The following CNOT2 variants were observed in gnomAD, a reference collection of about 807,000 sequenced individuals.
CNOT2 encodes CCR4-NOT transcription complex subunit 2.
In CNOT2, 7 loss-of-function variants were observed where a neutral mutation model predicts 72.1. The ratio of observed to expected loss-of-function variants is 0.10; its 90% confidence interval spans 0.06 to 0.18. The LOEUF (loss-of-function observed/expected upper bound fraction) is 0.18, where lower values mean the gene tolerates loss of function less well. Ranked by LOEUF, CNOT2 falls within the 10% of genes least tolerant of loss-of-function variation. CNOT2 has a pLI of 1.00. For synonymous variants in CNOT2, 196 were observed against 225.6 expected (o/e 0.87, Z 1.17); for missense variants, 345 against 660.3 (o/e 0.52, Z 5.23).
At chr12:70,262,702 C>G (rs1219299020) in intron 1 of CNOT2, among the ~76,000 whole-genome samples, 1 of 152,030 alleles carries the variant, frequency 6.6e-6, no homozygotes, top group Non-Finnish European at 1.5e-5. Context: ...GCGATGGAGT[C>G]TTTCTCTGTT....
At chr12:70,314,433 G>A (rs1300757446) in intron 3 of CNOT2, among the ~76,000 whole-genome samples, 1 of 151,974 alleles carries the variant, frequency 6.6e-6, no homozygotes, top group Admixed American at 6.6e-5. Context: ...GTTTGTGAGG[G>A]GGGCACTGAA....
At position 70,314,539 on chromosome 12, in the gene CNOT2, CTT is replaced by C. The variant is rs201696483; in HGVS notation, c.171+3524_171+3525del. Among the ~76,000 whole-genome samples the C allele has an allele frequency of 5.5e-3, 830 of 152,180 alleles. 8 individuals carry two copies. Among genetic ancestry groups the C allele is most frequent in the African/African-American group, 0.018 (765 of 41,520 alleles). ...AACATTCCTTGAGTCAGTCATATGT[CTT>C]TCCGTAAATTTGTACTTCAGCTGTA... On this transcript the variant is annotated intron_variant, in intron 3 of 15. Coordinates refer to ENST00000229195, the MANE Select transcript of CNOT2 (RefSeq NM_014515.7).
chr12:70,328,965 G>A lies in CNOT2; in HGVS notation c.239-458G>A, dbSNP rs1328997951. Among the ~76,000 whole-genome samples the A allele has an allele frequency of 2.0e-5, 3 of 151,750 alleles. No individual in the cohort carries two copies. In the South Asian group the frequency reaches 6.2e-4, roughly 31 times the overall value. ...CTTTTTCTAAAATATAATTTTAAAG[G>A]ATCACATAAAATTAAAGCTACTTCA... On this transcript the variant is annotated intron_variant, in intron 4 of 15. Transcript: ENST00000229195.
chr12:70,295,280 TG>T (rs1211779596), intron 2 of CNOT2, among the ~76,000 whole-genome samples: 1 of 152,186 alleles, frequency 6.6e-6, no homozygotes, highest in Non-Finnish European at 1.5e-5. Flanking sequence ...TAAAAGAGAT[TG>T]GGGTTCTAGT....
At chr12:70,320,399 T>C (rs1356325968) in intron 4 of CNOT2, among the ~76,000 whole-genome samples, 1 of 151,754 alleles carries the variant, frequency 6.6e-6, no homozygotes, top group African/African-American at 2.4e-5. Context: ...ATGGTTTCCA[T>C]TTACTTTTTT....
At position 70,318,253 on chromosome 12, in the gene CNOT2, C is replaced by T. The variant is rs545291831; in HGVS notation, c.172-1045C>T. Among the ~76,000 whole-genome samples the T allele has an allele frequency of 1.5e-3, 223 of 151,942 alleles. 1 individual carries two copies. Among genetic ancestry groups the T allele is most frequent in the African/African-American group, 5.0e-3 (209 of 41,512 alleles). On this transcript the variant is annotated intron_variant, in intron 3 of 15. Coordinates refer to ENST00000229195, the MANE Select transcript of CNOT2 (RefSeq NM_014515.7). ...AGCCATTCTTGTATGACATTTATTT[C>T]GCATTCTTCTATGCCATAACATGGG... is the stretch of plus-strand genomic sequence containing the variant.
chr12:70,303,601 G>C (rs1328169347), intron 2 of CNOT2, among the ~76,000 whole-genome samples: 1 of 152,158 alleles, frequency 6.6e-6, no homozygotes, highest in Non-Finnish European at 1.5e-5. Flanking sequence ...TAGTCCGATG[G>C]GCTTCCCTTT....
At chr12:70,251,367 G>A (rs1215439297) in intron 1 of CNOT2, among the ~76,000 whole-genome samples, 2 of 152,130 alleles carry the variant, frequency 1.3e-5, no homozygotes, top group Non-Finnish European at 2.9e-5. Context: ...TAGGGAATCA[G>A]CATTGTAAAT....
rs1879865041 is a variant in CNOT2 at position 70,331,071 on chromosome 12, G to A, written c.569+602G>A. On this transcript the variant is annotated intron_variant, in intron 6 of 15. Transcript: ENST00000229195. ...TTTGTTAGGATTTTCAAGCTGTTTG[G>A]GTAATTTGTATGAGAATTATGTCTG... The A allele has an allele frequency of 1.3e-5, 2 of 151,836 alleles. 1 individual carries two copies. Among genetic ancestry groups the A allele is most frequent in the South Asian group, 4.1e-4 (2 of 4,832 alleles). The allele number at this position is 151,836 out of a possible 1,614,324, so 9.4% of individuals were successfully genotyped here.
intron 15 of CNOT2, among the ~76,000 whole-genome samples, chr12:70,349,298 A>G (rs1024685578): frequency 6.6e-6 from 1 of 152,196 alleles, no homozygotes; most frequent in African/African-American, 2.4e-5. Context: ...TAGAAAATCC[A>G]TTAACATGTC....
intron 1 of CNOT2, among the ~76,000 whole-genome samples, chr12:70,257,799 G>A (rs1958534998): frequency 1.3e-5 from 2 of 152,098 alleles, no homozygotes; most frequent in African/African-American, 4.8e-5. Context: ...GTTCATTAAT[G>A]TATATTGAAA....
At chr12:70,325,053 C>T (rs1390790440) in intron 4 of CNOT2, among the ~76,000 whole-genome samples, 2 of 151,858 alleles carry the variant, frequency 1.3e-5, no homozygotes, top group African/African-American at 2.4e-5. Flanking sequence ...ATGTAAACAC[C>T]TTGGTCATAG....
intron 2 of CNOT2, among the ~76,000 whole-genome samples, chr12:70,286,747 T>C (rs1870959994): frequency 6.7e-6 from 1 of 148,400 alleles, no homozygotes; most frequent in African/African-American, 2.4e-5. Context: ...ATGAGAATGC[T>C]CCCCTCCAAC....
rs371829926 is a variant in CNOT2, at chr12:70,269,370, G to C, written c.-95-8762G>C. On this transcript the variant is annotated intron_variant, in intron 1 of 15. Transcript: ENST00000229195. ...GTTCATGCTGTGATATTCTCATCCA[G>C]AGGTTATTAATATTTTTTGTTCCAT... is the stretch of plus-strand genomic sequence containing the variant. Among the ~76,000 whole-genome samples, 14 of 151,290 alleles carry C rather than the reference G, an allele frequency of 9.3e-5. No individual in the cohort carries two copies. In the East Asian group the frequency reaches 2.1e-3, roughly 23 times the overall value.
chr12:70,321,334 C>A (rs1241373495), intron 4 of CNOT2, among the ~76,000 whole-genome samples: 2 of 151,812 alleles, frequency 1.3e-5, no homozygotes, highest in Non-Finnish European at 2.9e-5. Flanking sequence ...TTGCCAATTT[C>A]TATCTGTTAG....
chr12:70,338,321 CAG>C (rs1196499318), intron 9 of CNOT2, 120 bp from the exon 10 acceptor site: 1 of 779,456 alleles, frequency 1.3e-6, no homozygotes, highest in African/African-American at 1.8e-5. Flanking sequence ...ACTTGAAAAA[CAG>C]GTAATAATTT....
intron 2 of CNOT2, chr12:70,297,883 C>G (rs760675322): frequency 1.9e-5 from 4 of 207,336 alleles, no homozygotes; most frequent in African/African-American, 9.6e-5. Context: ...ACTACAGGTG[C>G]GTACCACCAC....
intron 11 of CNOT2, among the ~76,000 whole-genome samples, chr12:70,340,191 G>A (rs570281431): frequency 1.1e-4 from 16 of 152,214 alleles, no homozygotes; most frequent in Admixed American, 7.2e-4. Context: ...CTTTTATCAA[G>A]GTCACCAAAT....
intron 1 of CNOT2, among the ~76,000 whole-genome samples, chr12:70,261,576 A>G (rs918719412): frequency 6.6e-6 from 1 of 151,276 alleles, no homozygotes; most frequent in African/African-American, 2.4e-5. Context: ...TCAGCCTCCC[A>G]AAGTGCTGGG....
Sources: gnomAD v4.1 joint callset for allele counts (sites outside exome capture counted in the v4.1 genomes callset) on GRCh38, gnomAD v4.1.1 for gene constraint, MANE v1.5 for transcripts, NCBI Gene and HGNC (gene_info 2026-07-23, HGNC 2026-07-21) for gene names.